The following GLB1 variants were observed in gnomAD, a reference collection of about 807,000 sequenced individuals.
GLB1 encodes beta-galactosidase.
Under a neutral mutation model 74.0 loss-of-function variants are expected in GLB1, and 56 were observed. The ratio of observed to expected loss-of-function variants is 0.76; its 90% CI spans 0.61 to 0.94. The LOEUF (loss-of-function observed/expected upper bound fraction) is 0.94. GLB1 is among the 40% of genes least tolerant of loss of function. GLB1 has a pLI of 0.00. For missense variants in GLB1, 787 were observed against 845.5 expected (o/e 0.93, Z 0.86); for synonymous variants, 323 against 323.6 (o/e 1.00, Z 0.02).
chr3:33,090,499 T>C, intron 1 of GLB1: 2 of 985,360 alleles, frequency 2.0e-6, no homozygotes, highest in Non-Finnish European at 2.4e-6. Flanking sequence ...ATTGCTGATT[T>C]TCAAAAAGCA....
At chr3:33,055,492 G>A (rs1311993230) in intron 6 of GLB1, among the ~76,000 whole-genome samples, 3 of 136,798 alleles carry the variant, frequency 2.2e-5, no homozygotes, top group African/African-American at 8.2e-5. Flanking sequence ...ATGGAGTTTC[G>A]CTCTGTTGCC....
chr3:32,987,339 G>C, the GLB1 span, among the ~76,000 whole-genome samples: 2 of 152,246 alleles, frequency 1.3e-5, no homozygotes, highest in Non-Finnish European at 2.9e-5. Context: ...CAGACCAGAA[G>C]AACCATATAG....
intron 1 of GLB1, among the ~76,000 whole-genome samples, chr3:33,094,650 C>T (rs1487542760): frequency 2.0e-5 from 3 of 147,964 alleles, no homozygotes; most frequent in African/African-American, 7.5e-5. Flanking sequence ...AATTCCAAGC[C>T]ATTACTGCCT....
chr3:33,096,923 G>C, intron 1 of GLB1, 88 bp downstream of exon 1: 1 of 1,542,570 alleles, frequency 6.5e-7, no homozygotes, highest in Non-Finnish European at 8.7e-7. Context: ...CCGCCCTGCG[G>C]GACCGCGGGT....
chr3:33,039,254 C>A (rs1698405427), intron 10 of GLB1, among the ~76,000 whole-genome samples: 1 of 141,164 alleles, frequency 7.1e-6, no homozygotes. Flanking sequence ...CACACCACTG[C>A]ACTCCAGCCT....
chr3:33,068,941 C>T lies in GLB1; in HGVS notation c.275G>A (p.Trp92Ter), dbSNP rs1163319503. ...CTCAGAAAACTGGTACTGTCCTGGC[C>T]AGGGCTCATGAAAGTTCCAGGGCAC... ...TYVPWNFHEPWPGQYQFSEDH... is the reference protein window; with the variant it reads ...TYVPWNFHEP The change falls in exon 3 of 16, where the codon TGG becomes TAG. Residue 92 changes from tryptophan (W) to a stop codon, truncating the protein, a stop_gained. Coordinates refer to ENST00000307363, the MANE Select transcript of GLB1 (RefSeq NM_000404.4). LOFTEE classifies it high-confidence loss of function. 1 of 1,614,138 alleles carries T rather than the reference C, an allele frequency of 6.2e-7. No homozygotes were observed. Among genetic ancestry groups the T allele is most frequent in the Non-Finnish European group, 8.5e-7 (1 of 1,180,024 alleles).
intron 1 of GLB1, chr3:33,092,873 C>A: frequency 6.2e-7 from 1 of 1,612,416 alleles, no homozygotes; most frequent in Non-Finnish European, 8.5e-7. Context: ...TGATCTCGGC[C>A]CTGCTACCCA....
At position 33,093,889 on chromosome 3, in the gene GLB1, T is replaced by C; in HGVS notation, c.75+3122A>G. The C allele has an allele frequency of 6.2e-7, 1 of 1,613,808 alleles. No individual in the cohort carries two copies. The highest frequency in any genetic ancestry group is 8.5e-7 in the Non-Finnish European group (1 of 1,179,928). ...GGCTCTTCGGCCACTAAAAAGAACA[T>C]GGTAAAGAAACTGGAATGGGCCAGG... is the stretch of plus-strand genomic sequence containing the variant. On this transcript the variant is annotated intron_variant, in intron 1 of 15. Transcript: ENST00000307363. This position sits in a 1 kb window ranked among gnomAD's most constrained non-coding sequence, Gnocchi z 6.0.
chr3:33,075,770 C>T (rs974812911), intron 1 of GLB1, among the ~76,000 whole-genome samples: 8 of 152,084 alleles, frequency 5.3e-5, no homozygotes, highest in Admixed American at 2.6e-4. Context: ...AAATCATCTA[C>T]GCAAGCTTTT....
Position 33,096,805 on chromosome 3 carries a change from T to C in GLB1, c.75+206A>G. 5.9e-6 allele frequency: 8 copies of C among 1,359,536 alleles called. No homozygotes were observed. The South Asian group carries it at 1.2e-4, about 21-fold the overall frequency. The allele number at this position is 1,359,536 out of a possible 1,614,324, so 84.2% of individuals were successfully genotyped here. On this transcript the variant is annotated intron_variant, in intron 1 of 15. Coordinates refer to ENST00000307363, the MANE Select transcript of GLB1 (RefSeq NM_000404.4). Reference sequence around the variant, plus strand: ...GGAACGCACAAGCGACCGAGCTGCCTGGAAGGACGCGCGCCCCGCCCGGCC... The same window carrying C: ...GGAACGCACAAGCGACCGAGCTGCCCGGAAGGACGCGCGCCCCGCCCGGCC...
At chr3:33,078,012 A>G (rs1700184876) in intron 1 of GLB1, among the ~76,000 whole-genome samples, 1 of 152,236 alleles carries the variant, frequency 6.6e-6, no homozygotes, top group Non-Finnish European at 1.5e-5. Flanking sequence ...GTCTAAAAAA[A>G]AAAAGGAATC....
chr3:33,032,681 C>G (rs1281467087), intron 10 of GLB1, among the ~76,000 whole-genome samples: 1 of 152,114 alleles, frequency 6.6e-6, no homozygotes, highest in Non-Finnish European at 1.5e-5. Flanking sequence ...CCTTGGCCTC[C>G]CAAAGTGCTG....
At chr3:32,983,665 A>AAATAAT in the GLB1 span, among the ~76,000 whole-genome samples, 3 of 151,532 alleles carry the variant, frequency 2.0e-5, no homozygotes, top group African/African-American at 4.9e-5. Context: ...TTGACCTTGA[A>AAATAAT]AATAATAATA....
intron 2 of GLB1, among the ~76,000 whole-genome samples, chr3:33,071,672 T>C (rs773737854): frequency 6.6e-5 from 10 of 151,958 alleles, no homozygotes; most frequent in Non-Finnish European, 8.8e-5. Context: ...GCAAATCTTC[T>C]TTCTCTGGCC....
At chr3:33,004,562 A>G (rs1410724103) in intron 15 of GLB1, among the ~76,000 whole-genome samples, 1 of 152,150 alleles carries the variant, frequency 6.6e-6, no homozygotes, top group African/African-American at 2.4e-5. Context: ...CTGATCAATC[A>G]CCAAATCCCA....
chr3:33,047,754 A>G (rs954631703), intron 9 of GLB1, among the ~76,000 whole-genome samples: 1 of 152,224 alleles, frequency 6.6e-6, no homozygotes, highest in African/African-American at 2.4e-5. Context: ...CAGATCAAGC[A>G]GGTCAGCTCC....
downstream of GLB1, among the ~76,000 whole-genome samples, chr3:32,996,415 T>TA (rs1463947304): frequency 2.0e-5 from 3 of 152,220 alleles, no homozygotes; most frequent in African/African-American, 7.2e-5. Flanking sequence ...TGCATATAAG[T>TA]ATAGATCTCT....
chr3:33,096,488 G>A lies in GLB1; in HGVS notation c.75+523C>T, dbSNP rs80319096. 530 of 985,194 alleles carry A rather than the reference G, an allele frequency of 5.4e-4. 2 individuals carry two copies. The Middle Eastern group carries it at 7.8e-3, about 15-fold the overall frequency. The allele number at this position is 985,194 out of a possible 1,614,324, so 61.0% of individuals were successfully genotyped here. Reference sequence around the variant, plus strand: ...CAAGCCAAAGGGCAGGCGACGGGGAGTGGTGAGAAAGGAACAAGATGCACG... The same window carrying A: ...CAAGCCAAAGGGCAGGCGACGGGGAATGGTGAGAAAGGAACAAGATGCACG... On this transcript the variant is annotated intron_variant, in intron 1 of 15. Transcript: ENST00000307363.
At chr3:33,020,476 C>G (rs1697421251) in intron 12 of GLB1, among the ~76,000 whole-genome samples, 1 of 152,148 alleles carries the variant, frequency 6.6e-6, no homozygotes, top group Non-Finnish European at 1.5e-5. Flanking sequence ...TGCTATCATT[C>G]CCTGAGAAGG....
Sources: allele counts gnomAD v4.1 joint callset (sites outside exome capture counted in the v4.1 genomes callset), GRCh38; gene constraint gnomAD v4.1.1; non-coding constraint Gnocchi (gnomAD v3.1); transcripts MANE v1.5; gene names NCBI Gene and HGNC (gene_info 2026-07-23, HGNC 2026-07-21).